Variants in SOX15 observed in about 807,000 individuals in gnomAD.
The protein encoded by SOX15 is SRY-box transcription factor 15, also known as transcription factor SOX-15.
A neutral mutation model predicts 15.9 loss-of-function variants in SOX15; 12 were observed. That is an observed-to-expected ratio of 0.75 (90% confidence interval 0.48 to 1.22). The LOEUF (loss-of-function observed/expected upper bound fraction) is 1.22. Ranked by LOEUF, SOX15 falls within the 50% of genes most tolerant of loss-of-function variation. The pLI, the probability that SOX15 is intolerant of heterozygous loss-of-function variation, is 0.00. For synonymous variants in SOX15, 149 were observed against 142.8 expected (o/e 1.04, Z -0.31); for missense variants, 309 against 313.9 (o/e 0.98, Z 0.12).
intron 1 of SOX15, 83 bp downstream of exon 1, chr17:7,589,061 C>G (rs2071628648): frequency 6.8e-6 from 9 of 1,315,524 alleles, no homozygotes; most frequent in Middle Eastern, 2.5e-4. Context: ...GGTGGGCTCC[C>G]GTCCTCCGGC....
Position 7,589,180 on chromosome 17 carries a change from G to A in SOX15, c.497C>T (p.Pro166Leu), listed in dbSNP as rs199857606. 29 of 1,520,368 alleles carry A rather than the reference G, an allele frequency of 1.9e-5. 1 individual carries two copies. The highest frequency in any genetic ancestry group is 8.8e-7 in the Non-Finnish European group (1 of 1,129,986). The allele number at this position is 1,520,368 out of a possible 1,614,324, so 94.2% of individuals were successfully genotyped here. A position where few individuals can be genotyped will look rare whatever the true frequency, so the allele number is the denominator to read the frequency against. Residue 166 changes from proline (P) to leucine (L), a missense_variant, in exon 1 of 2, where the codon CCC becomes CTC. Coordinates refer to ENST00000250055, the MANE Select transcript of SOX15 (RefSeq NM_006942.2). ...AGGCAGGTAGGCTGTCGAGTAGCTGGGGGGTCTGTACCCAAAGCCTCTGCT... is the reference window on the plus strand; with the variant it reads ...AGGCAGGTAGGCTGTCGAGTAGCTGAGGGGTCTGTACCCAAAGCCTCTGCT... ...QPSRGFGYRP[P>L]SYSTAYLPGS... is the part of the protein sequence containing the mutation.
In SOX15 at chr17:7,589,853, G is replaced by C; in HGVS notation, c.-177C>G. 1 of 614,470 alleles carries C rather than the reference G, an allele frequency of 1.6e-6. No individual in the cohort carries two copies. The highest frequency in any genetic ancestry group is 2.8e-6 in the Non-Finnish European group (1 of 359,710). 38.1% of individuals were successfully genotyped at this position (614,470 alleles called of 1,614,324 possible). Reference sequence around the variant, plus strand: ...AAACCGGAGCCTTTGCTTCCAACCTGTTCGGCACACTTTGGGGAGAGTCGA... The same window carrying C: ...AAACCGGAGCCTTTGCTTCCAACCTCTTCGGCACACTTTGGGGAGAGTCGA... On this transcript the variant is annotated 5_prime_UTR_variant, in exon 1 of 2. Coordinates refer to ENST00000250055, the MANE Select transcript of SOX15 (RefSeq NM_006942.2).
intron 1 of SOX15, 74 bp from the exon 2 acceptor site, chr17:7,588,620 GGGTAGAGCGTGCCA>G: frequency 6.7e-7 from 1 of 1,483,102 alleles, no homozygotes; most frequent in African/African-American, 1.4e-5. Context: ...TGGGCAGACA[GGGTAGAGCGTGCCA>G]CCCACCCAGC....
rs1183067834 is a variant in SOX15, at chr17:7,588,476, C to G, written c.604G>C (p.Glu202Gln). ...LPQSDPRLQG[E>Q]LLPTYTHYLP... ...TAGTGGGTATAGGTGGGCAGCAGTTCCCCCTGGAGCCTAGGGTCACTCTGA... is the reference window on the plus strand; with the variant it reads ...TAGTGGGTATAGGTGGGCAGCAGTTGCCCCTGGAGCCTAGGGTCACTCTGA... The change falls in exon 2 of 2, where the codon GAA (glutamate) becomes CAA (glutamine). Residue 202 changes from glutamate (E) to glutamine (Q), a missense_variant. Glu to Gln is a conservative substitution (Grantham distance 29). Coordinates refer to ENST00000250055, the MANE Select transcript of SOX15 (RefSeq NM_006942.2). The G allele has an allele frequency of 1.4e-5, 23 of 1,613,674 alleles. No individual in the cohort carries two copies. The highest frequency in any genetic ancestry group is 1.9e-5 in the Non-Finnish European group (22 of 1,179,734).
Position 7,589,158 on chromosome 17 carries a change from C to G in SOX15, c.519G>C (p.Leu173=). 1 of 1,499,112 alleles carries G rather than the reference C, an allele frequency of 6.7e-7. No individual in the cohort carries two copies. The allele number at this position is 1,499,112 out of a possible 1,614,324, so 92.9% of individuals were successfully genotyped here. A position where few individuals can be genotyped will look rare whatever the true frequency, so the allele number is the denominator to read the frequency against. Residue 173 remains leucine (L), a synonymous_variant, in exon 1 of 2, where the codon CTG becomes CTC. Transcript: ENST00000250055. ...CAGGCACTCACCCATAGCTGCCAGG[C>G]AGGTAGGCTGTCGAGTAGCTGGGGG... ...YRPPSYSTAY[L]PGSYGSSHCK... is the part of the protein sequence containing the mutation.
At position 7,588,228 on chromosome 17, in the gene SOX15, T is replaced by C. The variant is rs78555071; in HGVS notation, c.*150A>G. 34,964 of 809,086 alleles carry C rather than the reference T, an allele frequency of 0.043. 933 individuals carry two copies. Among genetic ancestry groups the C allele is most frequent in the Non-Finnish European group, 0.052 (23,132 of 446,310 alleles). 50.1% of individuals were successfully genotyped at this position (809,086 alleles called of 1,614,324 possible). A position where few individuals can be genotyped will look rare whatever the true frequency, so the allele number is the denominator to read the frequency against. ...CTACCAAAAATATAATTGTATGTTGTGCGGCTCTCCCTGGCTATCATGGGA... is the reference window on the plus strand; with the variant it reads ...CTACCAAAAATATAATTGTATGTTGCGCGGCTCTCCCTGGCTATCATGGGA... On this transcript the variant is annotated 3_prime_UTR_variant, in exon 2 of 2. Transcript: ENST00000250055.
At position 7,588,413 on chromosome 17, in the gene SOX15, G is replaced by A. The variant is rs145603139; in HGVS notation, c.667C>T (p.Leu223Phe). 4 of 1,613,516 alleles carry A rather than the reference G, an allele frequency of 2.5e-6. No homozygotes were observed. In the African/African-American group the frequency reaches 5.3e-5, roughly 22 times the overall value. ...GTTAGGGGCATGGGGGCACCAGCAAGGGGAGGGTTGTATGGAGTGGGAGAG... is the reference window on the plus strand; with the variant it reads ...GTTAGGGGCATGGGGGCACCAGCAAAGGGAGGGTTGTATGGAGTGGGAGAG... ...PGSPTPYNPP[L>F]AGAPMPLTHL The change falls in exon 2 of 2, where the codon CTT becomes TTT. Residue 223 changes from leucine to phenylalanine, a missense_variant. Physicochemically the swap from Leu to Phe is conservative, Grantham distance 22 (BLOSUM62 0). Transcript: ENST00000250055.
chr17:7,588,336 A>G lies in SOX15; in HGVS notation c.*42T>C, dbSNP rs761117953. The G allele has an allele frequency of 1.9e-6, 3 of 1,596,672 alleles. No homozygotes were observed. ...GTAGGGGATGCTGCTGGATTAAAAA[A>G]GGAGGATGAGGCCCGTCCCGTGAGG... On this transcript the variant is annotated 3_prime_UTR_variant, in exon 2 of 2. Coordinates refer to ENST00000250055, the MANE Select transcript of SOX15 (RefSeq NM_006942.2).
Position 7,588,387 on chromosome 17 carries a change from G to A in SOX15, c.693C>T (p.Thr231=). Residue 231 remains threonine (T), a synonymous_variant, in exon 2 of 2, where the codon ACC becomes ACT. Transcript: ENST00000250055. ...TCTGCGTCCATGAGGGTTAGAGGTG[G>A]GTTAGGGGCATGGGGGCACCAGCAA... ...PPLAGAPMPL[T]HL 1 of 1,613,298 alleles carries A rather than the reference G, an allele frequency of 6.2e-7. No homozygotes were observed.
rs754949072 is a variant in SOX15, at chr17:7,589,520, T to G, written c.157A>C (p.Met53Leu). 1.4e-5 allele frequency: 22 copies of G among 1,611,670 alleles called. No homozygotes were observed. The Admixed American group carries it at 3.0e-4, about 22-fold the overall frequency. The change falls in exon 1 of 2, where the codon ATG (methionine) becomes CTG (leucine). Residue 53 changes from methionine to leucine, a missense_variant. By Grantham distance (15) the Met-to-Leu change is conservative (BLOSUM62 2). Transcript: ENST00000250055. Reference protein sequence around the residue: ...TLPLEKVKRPMNAFMVWSSAQ... With the variant: ...TLPLEKVKRPLNAFMVWSSAQ... Reference sequence around the variant, plus strand: ...GAGCTCCACACCATGAACGCGTTCATCGGCCGCTTCACCTTCTCCAGGGGC... The same window carrying G: ...GAGCTCCACACCATGAACGCGTTCAGCGGCCGCTTCACCTTCTCCAGGGGC...
In SOX15 at chr17:7,588,467, G is replaced by A; in HGVS notation, c.613C>T (p.Pro205Ser). The change falls in exon 2 of 2, where the codon CCC becomes TCC. Residue 205 changes from proline to serine, a missense_variant. By Grantham distance (74) the Pro-to-Ser change is moderately conservative. Coordinates refer to ENST00000250055, the MANE Select transcript of SOX15 (RefSeq NM_006942.2). ...GGGGGCAGGTAGTGGGTATAGGTGG[G>A]CAGCAGTTCCCCCTGGAGCCTAGGG... ...SDPRLQGELL[P>S]TYTHYLPPGS... is the part of the protein sequence containing the mutation. 1 of 1,613,858 alleles carries A rather than the reference G, an allele frequency of 6.2e-7. No homozygotes were observed. Among genetic ancestry groups the A allele is most frequent in the Non-Finnish European group, 8.5e-7 (1 of 1,179,844 alleles).
chr17:7,588,402 GGCACCA>G lies in SOX15; in HGVS notation c.672_677del (p.Gly225_Ala226del), dbSNP rs2071620780. ...GTTAGAGGTGGGTTAGGGGCATGGGGGCACCAGCAAGGGGAGGGTTGTATGGAGTGG... is the reference window on the plus strand; with the variant it reads ...GTTAGAGGTGGGTTAGGGGCATGGGGGCAAGGGGAGGGTTGTATGGAGTGG... On this transcript the variant is annotated inframe_deletion, in exon 2 of 2. Transcript: ENST00000250055. The G allele has an allele frequency of 6.2e-7, 1 of 1,613,264 alleles. No homozygotes were observed. The highest frequency in any genetic ancestry group is 8.5e-7 in the Non-Finnish European group (1 of 1,179,586).
rs372467275 is a variant in SOX15 at position 7,589,521 on chromosome 17, C to A, written c.156G>T (p.Pro52=). Residue 52 remains proline (P), a synonymous_variant, in exon 1 of 2, where the codon CCG becomes CCT. Coordinates refer to ENST00000250055, the MANE Select transcript of SOX15 (RefSeq NM_006942.2). ...AGCTCCACACCATGAACGCGTTCAT[C>A]GGCCGCTTCACCTTCTCCAGGGGCA... ...GTLPLEKVKR[P]MNAFMVWSSA... 3.7e-6 allele frequency: 6 copies of A among 1,611,394 alleles called. No individual in the cohort carries two copies. The highest frequency in any genetic ancestry group is 2.7e-5 in the African/African-American group (2 of 74,882).
chr17:7,589,841 T>C lies in SOX15; in HGVS notation c.-165A>G, dbSNP rs935151864. On this transcript the variant is annotated 5_prime_UTR_variant, in exon 1 of 2. Coordinates refer to ENST00000250055, the MANE Select transcript of SOX15 (RefSeq NM_006942.2). ...AGCCCAGAGCTTAAACCGGAGCCTTTGCTTCCAACCTGTTCGGCACACTTT... is the reference window on the plus strand; with the variant it reads ...AGCCCAGAGCTTAAACCGGAGCCTTCGCTTCCAACCTGTTCGGCACACTTT... 1.5e-6 allele frequency: 1 copy of C among 649,900 alleles called. No homozygotes were observed. Among genetic ancestry groups the C allele is most frequent in the Non-Finnish European group, 2.6e-6 (1 of 388,136 alleles). The allele number at this position is 649,900 out of a possible 1,614,324, so 40.3% of individuals were successfully genotyped here. A position where few individuals can be genotyped will look rare whatever the true frequency, so the allele number is the denominator to read the frequency against.
In SOX15 at chr17:7,589,933, T is replaced by C; in HGVS notation, c.-257A>G. The C allele has an allele frequency of 3.9e-6, 2 of 511,828 alleles. No individual in the cohort carries two copies. The highest frequency in any genetic ancestry group is 5.3e-5 in the South Asian group (2 of 37,532). The allele number at this position is 511,828 out of a possible 1,614,324, so 31.7% of individuals were successfully genotyped here. A position where few individuals can be genotyped will look rare whatever the true frequency, so the allele number is the denominator to read the frequency against. ...ACTGAAGAGGTGTTCTGAGGCCTACTGACTGGGGGACCCCCGGTCCCTCTC... is the reference window on the plus strand; with the variant it reads ...ACTGAAGAGGTGTTCTGAGGCCTACCGACTGGGGGACCCCCGGTCCCTCTC... On this transcript the variant is annotated 5_prime_UTR_variant, in exon 1 of 2. Transcript: ENST00000250055.
chr17:7,589,458 C>G lies in SOX15; in HGVS notation c.219G>C (p.Lys73Asn). The change falls in exon 1 of 2, where the codon AAG becomes AAC. Residue 73 changes from lysine to asparagine, a missense_variant. Physicochemically the swap from Lys to Asn is moderately conservative, Grantham distance 94. Transcript: ENST00000250055. ...GCTTGGAGATCTCGGAGTTGTGCAT[C>G]TTGGGGTTCTGCTGCGCCATCTGGC... ...QRRQMAQQNP[K>N]MHNSEISKRL... 1 of 1,613,854 alleles carries G rather than the reference C, an allele frequency of 6.2e-7. No individual in the cohort carries two copies. Among genetic ancestry groups the G allele is most frequent in the South Asian group, 1.1e-5 (1 of 91,086 alleles).
Position 7,589,874 on chromosome 17 carries a change from G to C in SOX15, c.-198C>G, listed in dbSNP as rs893725443. The C allele has an allele frequency of 8.6e-6, 5 of 583,282 alleles. No homozygotes were observed. The African/African-American group carries it at 9.6e-5, about 11-fold the overall frequency. 36.1% of individuals were successfully genotyped at this position (583,282 alleles called of 1,614,324 possible). A position where few individuals can be genotyped will look rare whatever the true frequency, so the allele number is the denominator to read the frequency against. On this transcript the variant is annotated 5_prime_UTR_variant, in exon 1 of 2. Transcript: ENST00000250055. ...ACCTGTTCGGCACACTTTGGGGAGAGTCGAATGCAAAATCCGCTGTCTGGT... is the reference window on the plus strand; with the variant it reads ...ACCTGTTCGGCACACTTTGGGGAGACTCGAATGCAAAATCCGCTGTCTGGT...
At chr17:7,588,574 G>A (rs1347768106) in intron 1 of SOX15, 28 bp from the exon 2 acceptor site, 2 of 1,609,836 alleles carry the variant, frequency 1.2e-6, no homozygotes, top group East Asian at 2.2e-5. Context: ...AGGTTAGAGG[G>A]CACTTCCCTG....
rs2071619847 is a variant in SOX15, at chr17:7,588,348, C to T, written c.*30G>A. ...GCTGGATTAAAAAAGGAGGATGAGG[C>T]CCGTCCCGTGAGGTCTGCGTCCATG... On this transcript the variant is annotated 3_prime_UTR_variant, in exon 2 of 2. Coordinates refer to ENST00000250055, the MANE Select transcript of SOX15 (RefSeq NM_006942.2). The T allele has an allele frequency of 6.2e-7, 1 of 1,608,958 alleles. No homozygotes were observed. The highest frequency in any genetic ancestry group is 1.3e-5 in the African/African-American group (1 of 74,754).
Sources: gnomAD v4.1 joint callset for allele counts on GRCh38, gnomAD v4.1.1 for gene constraint, MANE v1.5 for transcripts, NCBI Gene and HGNC (gene_info 2026-07-23, HGNC 2026-07-21) for gene names.